Variants in INPP1 observed in about 807,000 individuals in gnomAD.
INPP1 encodes inositol polyphosphate-1-phosphatase.
Under a neutral mutation model 23.0 loss-of-function variants are expected in INPP1, and 18 were observed. The observed-to-expected ratio is 0.78, with a 90% CI of 0.54 to 1.16. The LOEUF (loss-of-function observed/expected upper bound fraction) is 1.16, where lower values mean the gene tolerates loss of function less well. Ranked by LOEUF, INPP1 falls within the 50% of genes most tolerant of loss-of-function variation. The pLI, the probability that INPP1 is intolerant of heterozygous loss-of-function variation, is 0.00. For synonymous variants in INPP1, 164 were observed against 176.3 expected, an observed-to-expected ratio of 0.93 and a Z score of 0.55; for missense variants, 448 against 482.1, an observed-to-expected ratio of 0.93 and a Z score of 0.66.
At chr2:190,360,018 C>G (rs1575788094) in intron 2 of INPP1, 21 bp from the exon 3 acceptor site, 1 of 1,391,470 alleles carries the variant, frequency 7.2e-7, no homozygotes, top group Non-Finnish European at 1.0e-6. Flanking sequence ...CTTTCTCTTT[C>G]ACATTCTTGT....
intron 1 of INPP1, among the ~76,000 whole-genome samples, chr2:190,344,824 C>T (rs1297334651): frequency 6.6e-6 from 1 of 152,208 alleles, no homozygotes; most frequent in African/African-American, 2.4e-5. Context: ...TTCAAAAGAA[C>T]AGTGGGTTAA....
intron 1 of INPP1, among the ~76,000 whole-genome samples, chr2:190,344,387 G>A (rs899427839): frequency 6.6e-6 from 1 of 152,244 alleles, no homozygotes; most frequent in African/African-American, 2.4e-5. Flanking sequence ...ACAGGTAGAT[G>A]GCGCAGCTGT....
At chr2:190,359,736 TTG>T (rs2124930018) in intron 2 of INPP1, 2 of 267,740 alleles carry the variant, frequency 7.5e-6, no homozygotes, top group Admixed American at 1.0e-4. Context: ...AGCATTGTGC[TTG>T]TGTGTCCATC....
At position 190,363,550 on chromosome 2, in the gene INPP1, TTAAA is replaced by T. The variant is rs1412793984; in HGVS notation, c.265+866_265+869del. 6.6e-6 allele frequency among the ~76,000 whole-genome samples: 1 copy of T among 152,178 alleles called. No homozygotes were observed. The highest frequency in any genetic ancestry group is 1.5e-5 in the Non-Finnish European group (1 of 68,034). On this transcript the variant is annotated intron_variant, in intron 4 of 6. Coordinates refer to ENST00000392329, the MANE Select transcript of INPP1 (RefSeq NM_001128928.2). The surrounding 1 kb of genome is among the most constrained non-coding windows in gnomAD (Gnocchi z 4.4). ...TAGTAGAAGAATAAAATAGTGAACA[TTAAA>T]TACTGATCATGTGACAAATACTTAT...
rs747680282 is a variant in INPP1, at chr2:190,369,214, C to T, written c.578C>T (p.Thr193Ile). The T allele has an allele frequency of 6.2e-7, 1 of 1,606,520 alleles. No homozygotes were observed. Among genetic ancestry groups the T allele is most frequent in the Non-Finnish European group, 8.5e-7 (1 of 1,173,900 alleles). ...TILIGVYDIQ[T>I]GVPLMGVINQ... ...TTAATTGGTGTCTATGACATACAGA[C>T]AGGGGTTCCCCTGATGGGAGTCATC... The change falls in exon 6 of 7, where the codon ACA becomes ATA. Residue 193 changes from threonine (T) to isoleucine (I), a missense_variant. Coordinates refer to ENST00000392329, the MANE Select transcript of INPP1 (RefSeq NM_001128928.2).
At chr2:190,369,031 G>C in intron 5 of INPP1, 72 bp from the exon 6 acceptor site, 4 of 856,334 alleles carry the variant, frequency 4.7e-6, no homozygotes, top group Non-Finnish European at 6.9e-6. Context: ...CAGTAGAAGA[G>C]AGAAGTCATA....
At chr2:190,360,608 A>G (rs999453892) in intron 3 of INPP1, among the ~76,000 whole-genome samples, 1 of 152,240 alleles carries the variant, frequency 6.6e-6, no homozygotes, top group Admixed American at 6.5e-5. Context: ...TTCTTAATAA[A>G]TAATACATGT....
Position 190,371,354 on chromosome 2 carries a change from C to T in INPP1, c.1152C>T (p.Phe384=), listed in dbSNP as rs1231044770. Residue 384 remains phenylalanine (F), a synonymous_variant, in exon 7 of 7, where the codon TTC becomes TTT. Coordinates refer to ENST00000392329, the MANE Select transcript of INPP1 (RefSeq NM_001128928.2). The surrounding 1 kb of genome is among the most constrained non-coding windows in gnomAD (Gnocchi z 5.3). ...AYRSRKRLET[F]LSLLVQNLAP... Reference sequence around the variant, plus strand: ...GATCCAGGAAGCGGCTGGAGACATTCCTGAGCCTCCTGGTCCAAAACCTGG... The same window carrying T: ...GATCCAGGAAGCGGCTGGAGACATTTCTGAGCCTCCTGGTCCAAAACCTGG... The T allele has an allele frequency of 6.5e-7, 1 of 1,544,764 alleles. No homozygotes were observed.
At position 190,367,245 on chromosome 2, in the gene INPP1, C is replaced by T. The variant is rs985024799; in HGVS notation, c.466+350C>T. Among the ~76,000 whole-genome samples the T allele has an allele frequency of 6.6e-6, 1 of 152,118 alleles. No homozygotes were observed. The highest frequency in any genetic ancestry group is 1.5e-5 in the Non-Finnish European group (1 of 68,022). Reference sequence around the variant, plus strand: ...GAGAATGAAGTGAGAGCAGTTATGACCAATTGAGCACACATACCATTTAAA... The same window carrying T: ...GAGAATGAAGTGAGAGCAGTTATGATCAATTGAGCACACATACCATTTAAA... On this transcript the variant is annotated intron_variant, in intron 5 of 6. Coordinates refer to ENST00000392329, the MANE Select transcript of INPP1 (RefSeq NM_001128928.2). The surrounding 1 kb of genome is among the most constrained non-coding windows in gnomAD (Gnocchi z 4.1).
chr2:190,344,982 C>T (rs1309941501), intron 1 of INPP1, among the ~76,000 whole-genome samples: 1 of 152,156 alleles, frequency 6.6e-6, no homozygotes, highest in Non-Finnish European at 1.5e-5. Context: ...GAAAGTAATC[C>T]ACTGAACTAC....
At position 190,371,296 on chromosome 2, in the gene INPP1, G is replaced by C. The variant is rs144177328; in HGVS notation, c.1094G>C (p.Arg365Pro). 1.9e-6 allele frequency: 3 copies of C among 1,608,654 alleles called. No homozygotes were observed. The highest frequency in any genetic ancestry group is 1.3e-5 in the African/African-American group (1 of 74,780). The change falls in exon 7 of 7, where the codon CGG becomes CCG. Residue 365 changes from arginine (R) to proline (P), a missense_variant. Coordinates refer to ENST00000392329, the MANE Select transcript of INPP1 (RefSeq NM_001128928.2). This position sits in a 1 kb window ranked among gnomAD's most constrained non-coding sequence, Gnocchi z 5.3. ...AATGAGGGTGCTGCTGGGGTGGATC[G>C]GTGGGCCAACAAGGGAGGACTCATT... is the stretch of plus-strand genomic sequence containing the variant. The part of the protein sequence containing the change: ...VENEGAAGVD[R>P]WANKGGLIAY...
At position 190,360,322 on chromosome 2, in the gene INPP1, G is replaced by C; in HGVS notation, c.204+16G>C. 6.2e-7 allele frequency: 1 copy of C among 1,611,104 alleles called. No homozygotes were observed. Among genetic ancestry groups the C allele is most frequent in the Non-Finnish European group, 8.5e-7 (1 of 1,177,930 alleles). On this transcript the variant is annotated intron_variant, in intron 3 of 6. Transcript: ENST00000392329. ...GGAGAACAAGGTAAGAAAGGTCATAGCCAAGGTAACTGCAAAATAGTTGCA... is the reference window on the plus strand; with the variant it reads ...GGAGAACAAGGTAAGAAAGGTCATACCCAAGGTAACTGCAAAATAGTTGCA...
chr2:190,365,178 A>G (rs1206501159), intron 4 of INPP1: 1 of 169,164 alleles, frequency 5.9e-6, no homozygotes, highest in Non-Finnish European at 1.5e-5. Context: ...GCATGTTTAA[A>G]GCGATGGTAA....
intron 3 of INPP1, 87 bp downstream of exon 3, chr2:190,360,393 C>T (rs932003574): frequency 9.1e-7 from 1 of 1,103,378 alleles, no homozygotes. Flanking sequence ...TTGCTCCTCA[C>T]CCCTATCAGT....
Position 190,362,621 on chromosome 2 carries a change from A to G in INPP1, c.205-6A>G. Reference sequence around the variant, plus strand: ...TTTGTTTTTCGTCATACTCTGAATCATTCAGTTTCCAGGCTTGGAAAAAAA... The same window carrying G: ...TTTGTTTTTCGTCATACTCTGAATCGTTCAGTTTCCAGGCTTGGAAAAAAA... On this transcript the variant is annotated splice_region_variant and splice_polypyrimidine_tract_variant and intron_variant, in intron 3 of 6. Transcript: ENST00000392329. The G allele has an allele frequency of 9.4e-6, 15 of 1,599,020 alleles. No individual in the cohort carries two copies. The highest frequency in any genetic ancestry group is 1.3e-5 in the Non-Finnish European group (15 of 1,168,924).
At chr2:190,347,204 G>A (rs962265460) in intron 1 of INPP1, among the ~76,000 whole-genome samples, 65 of 151,664 alleles carry the variant, frequency 4.3e-4, no homozygotes, top group African/African-American at 1.5e-3. Context: ...GTAGAGATGG[G>A]GTTTCACAGT....
chr2:190,360,276 G>C lies in INPP1; in HGVS notation c.174G>C (p.Gln58His), dbSNP rs1689510922. 1.2e-6 allele frequency: 2 copies of C among 1,614,156 alleles called. No individual in the cohort carries two copies. The highest frequency in any genetic ancestry group is 8.5e-7 in the Non-Finnish European group (1 of 1,180,006). The change falls in exon 3 of 7, where the codon CAG becomes CAC. Residue 58 changes from glutamine to histidine, a missense_variant. Gln to His is a conservative substitution (Grantham distance 24). Transcript: ENST00000392329. Reference protein sequence around the residue: ...DFKTLADVLVQEVIKQNMENK... With the variant: ...DFKTLADVLVHEVIKQNMENK... ...AGACGCTGGCTGATGTACTGGTACA[G>C]GAAGTTATAAAACAGAATATGGAGA... is the stretch of plus-strand genomic sequence containing the variant.
chr2:190,357,026 G>A (rs1689431838), intron 2 of INPP1, among the ~76,000 whole-genome samples: 3 of 152,102 alleles, frequency 2.0e-5, no homozygotes, highest in African/African-American at 7.2e-5. Flanking sequence ...CTAAGGCAAC[G>A]TGCCGCAGCT....
chr2:190,365,100 T>A (rs1415459076), intron 4 of INPP1: 1 of 169,232 alleles, frequency 5.9e-6, no homozygotes, highest in Non-Finnish European at 1.5e-5. Flanking sequence ...TTAACTTGCC[T>A]ATTTTTTACC....
Sources: gnomAD v4.1 joint callset for allele counts (sites outside exome capture counted in the v4.1 genomes callset) on GRCh38, gnomAD v4.1.1 for gene constraint, Gnocchi (gnomAD v3.1) non-coding constraint, MANE v1.5 for transcripts, NCBI Gene and HGNC (gene_info 2026-07-23, HGNC 2026-07-21) for gene names.